The following TSHR variants were observed in gnomAD, a reference collection of about 807,000 sequenced individuals.
TSHR encodes thyrotropin receptor.
TSHR carries 51 observed loss-of-function variants against 64.1 expected under a neutral mutation model. That is an observed-to-expected ratio of 0.80 (90% CI 0.64 to 1.01). The LOEUF is 1.01. Among genes scored for constraint, TSHR ranks in the 50% least tolerant of loss-of-function variants. The probability of loss-of-function intolerance (pLI) is 0.00; values close to 1 mark genes in which losing one functional copy is unlikely to be tolerated. For synonymous variants in TSHR, 361 were observed against 361.9 expected, an observed-to-expected ratio of 1.00 and a Z score of 0.03; for missense variants, 877 against 942.8, an observed-to-expected ratio of 0.93 and a Z score of 0.91.
chr14:81,079,152 G>A (rs138247648), intron 3 of TSHR, among the ~76,000 whole-genome samples: 147 of 152,296 alleles, frequency 9.7e-4, no homozygotes, highest in African/African-American at 3.1e-3. Context: ...TAACTTCAGC[G>A]AGGATACTGT....
intron 1 of TSHR, among the ~76,000 whole-genome samples, chr14:81,005,197 T>TTGTGTGTGTGTGTGTGTG (rs71103894): frequency 1.3e-5 from 2 of 149,790 alleles, no homozygotes; most frequent in Non-Finnish European, 3.0e-5. Flanking sequence ...ACTCAAGCCT[T>TTGTGTGTGTGTGTGTGTG]TGTGTGTGTG....
chr14:81,095,250 G>T (rs1238676724), intron 6 of TSHR, among the ~76,000 whole-genome samples: 1 of 152,102 alleles, frequency 6.6e-6, no homozygotes, highest in African/African-American at 2.4e-5. Context: ...CAGAAAGGGG[G>T]GCTGCTTTTG....
At chr14:81,067,770 A>G (rs1886739880) in intron 2 of TSHR, among the ~76,000 whole-genome samples, 1 of 148,862 alleles carries the variant, frequency 6.7e-6, no homozygotes, top group Non-Finnish European at 1.5e-5. Context: ...AGCAAAAATA[A>G]AATAAAATAA....
intron 1 of TSHR, among the ~76,000 whole-genome samples, chr14:81,041,122 A>G (rs1884899197): frequency 6.6e-6 from 1 of 152,140 alleles, no homozygotes; most frequent in African/African-American, 2.4e-5. Flanking sequence ...TCAAAAACCT[A>G]AAGACAGAAA....
chr14:80,979,537 A>C (rs754778564), intron 1 of TSHR, among the ~76,000 whole-genome samples: 1 of 152,230 alleles, frequency 6.6e-6, no homozygotes, highest in Non-Finnish European at 1.5e-5. Flanking sequence ...TTCTCACCAC[A>C]AAGAAATGAT....
At chr14:80,982,348 T>C in intron 1 of TSHR, 1 of 1,235,788 alleles carries the variant, frequency 8.1e-7, no homozygotes, top group Non-Finnish European at 1.1e-6. Context: ...CACTATCAAT[T>C]CCTGGTTCTG....
intron 1 of TSHR, among the ~76,000 whole-genome samples, chr14:81,018,455 C>A (rs1388156020): frequency 3.9e-5 from 6 of 152,134 alleles, no homozygotes; most frequent in African/African-American, 1.4e-4. Flanking sequence ...AGCAGTGATG[C>A]AAGTAATTTT....
chr14:81,058,506 G>T (rs552663001), intron 1 of TSHR, among the ~76,000 whole-genome samples: 3 of 152,118 alleles, frequency 2.0e-5, no homozygotes, highest in African/African-American at 7.2e-5. Flanking sequence ...TGCCTTAATC[G>T]TTAATAGTAA....
rs1891895358 is a variant in TSHR at position 81,145,534 on chromosome 14, A to T, written c.*1181A>T. The T allele has an allele frequency of 4.3e-6, 1 of 232,972 alleles. No individual in the cohort carries two copies. The highest frequency in any genetic ancestry group is 1.8e-4 in the South Asian group (1 of 5,526). 14.4% of individuals were successfully genotyped at this position (232,972 alleles called of 1,614,324 possible). A position where few individuals can be genotyped will look rare whatever the true frequency, so the allele number is the denominator to read the frequency against. On this transcript the variant is annotated 3_prime_UTR_variant, in exon 10 of 10. Transcript: ENST00000298171. Reference sequence around the variant, plus strand: ...TCAGGCCAAAAACAGATTCGTGTTTATATAAAAGAGTAAACGATGGTTGCA... The same window carrying T: ...TCAGGCCAAAAACAGATTCGTGTTTTTATAAAAGAGTAAACGATGGTTGCA...
chr14:80,957,318 C>T (rs1359698151), intron 1 of TSHR, among the ~76,000 whole-genome samples: 1 of 152,234 alleles, frequency 6.6e-6, no homozygotes, highest in Non-Finnish European at 1.5e-5. Flanking sequence ...TGAACCTAAC[C>T]CTAGCCCTTA....
intron 1 of TSHR, among the ~76,000 whole-genome samples, chr14:80,984,062 A>T (rs1473112428): frequency 6.7e-6 from 1 of 148,240 alleles, no homozygotes; most frequent in Non-Finnish European, 1.5e-5. Flanking sequence ...CTAGAGAGAG[A>T]GTGAGTGTGT....
chr14:81,133,793 G>A (rs549022664), intron 8 of TSHR, among the ~76,000 whole-genome samples: 1 of 152,252 alleles, frequency 6.6e-6, no homozygotes, highest in East Asian at 1.9e-4. Context: ...GGGGAAATGA[G>A]CCTGGAGAAA....
At chr14:81,099,043 C>G (rs1296246609) in intron 7 of TSHR, among the ~76,000 whole-genome samples, 1 of 152,158 alleles carries the variant, frequency 6.6e-6, no homozygotes, top group Non-Finnish European at 1.5e-5. Context: ...TTAAGGTCTA[C>G]AGAGCAATAA....
chr14:81,045,129 C>T (rs973211364), intron 1 of TSHR, among the ~76,000 whole-genome samples: 2 of 152,128 alleles, frequency 1.3e-5, no homozygotes, highest in Non-Finnish European at 2.9e-5. Context: ...ATACTATCCT[C>T]ATCAAACTGA....
In TSHR at chr14:81,144,891, C is replaced by T. The variant is rs1420190494; in HGVS notation, c.*538C>T. 4.2e-6 allele frequency: 1 copy of T among 235,566 alleles called. No individual in the cohort carries two copies. The highest frequency in any genetic ancestry group is 8.4e-6 in the Non-Finnish European group (1 of 119,758). The allele number at this position is 235,566 out of a possible 1,614,324, so 14.6% of individuals were successfully genotyped here. ...CATACAAGAAACAGCTATTATGAGA[C>T]ATGAAGGAGGGTAAGAATTAGCTTT... is the stretch of plus-strand genomic sequence containing the variant. On this transcript the variant is annotated 3_prime_UTR_variant, in exon 10 of 10. Coordinates refer to ENST00000298171, the MANE Select transcript of TSHR (RefSeq NM_000369.5).
Position 81,144,614 on chromosome 14 carries a change from T to C in TSHR, c.*261T>C, listed in dbSNP as rs897153663. On this transcript the variant is annotated 3_prime_UTR_variant, in exon 10 of 10. Coordinates refer to ENST00000298171, the MANE Select transcript of TSHR (RefSeq NM_000369.5). The stretch of plus-strand genomic sequence containing the variant: ...AATAATCTACACTATCTAGAAGACT[T>C]TCTTGATGCCAAGTCCAGAGATGTC... 1 of 499,530 alleles carries C rather than the reference T, an allele frequency of 2.0e-6. No individual in the cohort carries two copies. Among genetic ancestry groups the C allele is most frequent in the East Asian group, 3.3e-5 (1 of 30,480 alleles). The allele number at this position is 499,530 out of a possible 1,614,324, so 30.9% of individuals were successfully genotyped here. A position where few individuals can be genotyped will look rare whatever the true frequency, so the allele number is the denominator to read the frequency against.
At chr14:81,125,433 G>T (rs972669195) in intron 8 of TSHR, among the ~76,000 whole-genome samples, 2 of 152,172 alleles carry the variant, frequency 1.3e-5, no homozygotes, top group African/African-American at 4.8e-5. Flanking sequence ...AGTAGTAATA[G>T]TTGCATAACA....
intron 1 of TSHR, among the ~76,000 whole-genome samples, chr14:81,049,181 G>C (rs1359870495): frequency 6.6e-6 from 1 of 151,954 alleles, no homozygotes. Context: ...AAAATGTTTG[G>C]CTCCCACATT....
intron 1 of TSHR, chr14:80,982,590 T>C (rs1888229631): frequency 3.1e-6 from 3 of 966,012 alleles, no homozygotes; most frequent in Non-Finnish European, 4.2e-6. Flanking sequence ...GATCTCAGCC[T>C]GTGGATGAAA....
Sources: allele counts gnomAD v4.1 joint callset (sites outside exome capture counted in the v4.1 genomes callset), GRCh38; gene constraint gnomAD v4.1.1; transcripts MANE v1.5; gene names NCBI Gene and HGNC (gene_info 2026-07-23, HGNC 2026-07-21).